Variants in PREP observed in about 807,000 individuals in gnomAD.
The protein encoded by PREP is dJ355L5.1 (prolyl endopeptidase).
PREP carries 29 observed loss-of-function variants against 87.6 expected under a neutral mutation model. The observed-to-expected ratio is 0.33, with a 90% CI of 0.25 to 0.45. The LOEUF is 0.45. Among genes scored for constraint, PREP ranks in the 20% least tolerant of loss-of-function variants. The probability of loss-of-function intolerance (pLI) is 1.00; values close to 1 mark genes in which losing one functional copy is unlikely to be tolerated. For synonymous variants in PREP, 337 were observed against 328.6 expected (o/e 1.03, Z -0.28); for missense variants, 695 against 886.5 (o/e 0.78, Z 2.74).
At position 105,380,719 on chromosome 6, in the gene PREP, A is replaced by G. The variant is rs113784346; in HGVS notation, c.121-3200T>C. Among the ~76,000 whole-genome samples, 1,153 of 152,260 alleles carry G rather than the reference A, an allele frequency of 7.6e-3. 14 individuals carry two copies. Among genetic ancestry groups the G allele is most frequent in the African/African-American group, 0.025 (1,040 of 41,550 alleles). ...CAGAGCCCTAAGAAGGATTCCACAC[A>G]AGACCCCAGCATGCTGAGGGTCTTG... On this transcript the variant is annotated intron_variant, in intron 2 of 14. Transcript: ENST00000652536.
At chr6:105,282,619 A>C (rs1156680313) in intron 12 of PREP, 37 bp from the exon 13 acceptor site, 2 of 1,600,188 alleles carry the variant, frequency 1.2e-6, no homozygotes, top group East Asian at 4.5e-5. Context: ...TTAATTAACA[A>C]AACATAAAAA....
At chr6:105,332,141 T>C (rs1034162937) in intron 8 of PREP, among the ~76,000 whole-genome samples, 1 of 151,184 alleles carries the variant, frequency 6.6e-6, no homozygotes, top group African/African-American at 2.4e-5. Context: ...GGTTGAAGAG[T>C]GCAGTCAGGT....
chr6:105,302,631 G>T, intron 10 of PREP: 1 of 459,400 alleles, frequency 2.2e-6, no homozygotes, highest in Non-Finnish European at 4.3e-6. Flanking sequence ...TTTTCTTTGT[G>T]TGAGTCTGGT....
intron 10 of PREP, among the ~76,000 whole-genome samples, chr6:105,315,800 G>A (rs1562196486): frequency 6.6e-6 from 1 of 152,224 alleles, no homozygotes; most frequent in Non-Finnish European, 1.5e-5. Context: ...GAACTTTTAT[G>A]TTGTGCAGAT....
chr6:105,320,673 C>A (rs765820865), intron 10 of PREP, among the ~76,000 whole-genome samples: 2 of 152,002 alleles, frequency 1.3e-5, no homozygotes, highest in Non-Finnish European at 2.9e-5. Context: ...ATATGCCTCA[C>A]GGAATGAACA....
At chr6:105,338,321 A>G (rs980188443) in intron 7 of PREP, among the ~76,000 whole-genome samples, 75 of 152,364 alleles carry the variant, frequency 4.9e-4, no homozygotes, top group African/African-American at 1.5e-3. Flanking sequence ...TAAAGTATGC[A>G]CCAAAGGCAA....
intron 10 of PREP, among the ~76,000 whole-genome samples, chr6:105,319,987 T>C (rs1770963489): frequency 6.6e-6 from 1 of 152,240 alleles, no homozygotes; most frequent in African/African-American, 2.4e-5. Context: ...ATAGGCAACA[T>C]TTAACTATCA....
At chr6:105,340,043 G>A (rs779680388) in intron 7 of PREP, among the ~76,000 whole-genome samples, 37 of 152,148 alleles carry the variant, frequency 2.4e-4, no homozygotes, top group Admixed American at 6.5e-4. Context: ...TACAGAGAAC[G>A]CCACAGAGAT....
intron 7 of PREP, among the ~76,000 whole-genome samples, chr6:105,336,365 T>A (rs1771478565): frequency 1.3e-5 from 2 of 152,248 alleles, no homozygotes; most frequent in Non-Finnish European, 2.9e-5. Context: ...AGGTTGTTAA[T>A]CAGATTGTTC....
chr6:105,288,170 A>G (rs1164007692), intron 11 of PREP, among the ~76,000 whole-genome samples: 1 of 152,202 alleles, frequency 6.6e-6, no homozygotes, highest in Non-Finnish European at 1.5e-5. Context: ...CTTGATTAAT[A>G]CAAATCTTCT....
chr6:105,307,277 A>T (rs934928941), intron 10 of PREP, among the ~76,000 whole-genome samples: 1 of 151,860 alleles, frequency 6.6e-6, no homozygotes, highest in Non-Finnish European at 1.5e-5. Flanking sequence ...ATGAATTTGT[A>T]TGTATGATTT....
chr6:105,338,295 C>T (rs1771531577), intron 7 of PREP, among the ~76,000 whole-genome samples: 2 of 152,322 alleles, frequency 1.3e-5, no homozygotes, highest in Middle Eastern at 6.8e-3. Flanking sequence ...TATGACCCCT[C>T]CCTACCCAAA....
chr6:105,323,216 T>A (rs1771059881), intron 10 of PREP: 3 of 945,726 alleles, frequency 3.2e-6, no homozygotes, highest in Non-Finnish European at 4.4e-6. Context: ...AATGTTTTAT[T>A]GAGTGTCTAC....
At chr6:105,368,764 G>C (rs1772460152) in intron 6 of PREP, 139 bp downstream of exon 6, 1 of 1,015,358 alleles carries the variant, frequency 9.8e-7, no homozygotes, top group African/African-American at 1.6e-5. Context: ...GAGTCAATCT[G>C]AATACCAATA....
intron 2 of PREP, among the ~76,000 whole-genome samples, chr6:105,382,714 G>A (rs1035484486): frequency 1.3e-5 from 2 of 152,160 alleles, no homozygotes; most frequent in South Asian, 2.1e-4. Context: ...TCCAGGGCAG[G>A]GCAGGGTGGG....
chr6:105,320,707 G>A (rs142227172), intron 10 of PREP, among the ~76,000 whole-genome samples: 25 of 152,306 alleles, frequency 1.6e-4, no homozygotes, highest in African/African-American at 5.8e-4. Context: ...TAGCCTGGGA[G>A]ATAAGATACT....
intron 2 of PREP, among the ~76,000 whole-genome samples, chr6:105,384,554 G>A (rs1457311427): frequency 6.6e-6 from 1 of 152,152 alleles, no homozygotes; most frequent in Non-Finnish European, 1.5e-5. Flanking sequence ...TTCTAACTAT[G>A]CTAACTCCCT....
chr6:105,357,820 A>G (rs1009242177), intron 6 of PREP, among the ~76,000 whole-genome samples: 2 of 152,174 alleles, frequency 1.3e-5, no homozygotes, highest in African/African-American at 4.8e-5. Context: ...CTTTCCTAAA[A>G]GCCAGATTTA....
At chr6:105,394,105 A>G (rs1773230665) in intron 2 of PREP, among the ~76,000 whole-genome samples, 1 of 152,220 alleles carries the variant, frequency 6.6e-6, no homozygotes, top group Non-Finnish European at 1.5e-5. Flanking sequence ...GAACATAAAA[A>G]CAGATTAAAA....
Sources: gnomAD v4.1 joint callset for allele counts (sites outside exome capture counted in the v4.1 genomes callset) on GRCh38, gnomAD v4.1.1 for gene constraint, MANE v1.5 for transcripts, NCBI Gene and HGNC (gene_info 2026-07-23, HGNC 2026-07-21) for gene names.